DLGAP2: variants seen among roughly 807,000 people sequenced by gnomAD.
DLGAP2 encodes disks large-associated protein 2.
DLGAP2 carries 26 observed loss-of-function variants against 100.3 expected under a neutral mutation model. The observed-to-expected ratio is 0.26, with a 90% CI of 0.19 to 0.36. The LOEUF is 0.36. DLGAP2 is among the 10% of genes least tolerant of loss of function. The pLI is 1.00. For synonymous variants in DLGAP2, 886 were observed against 630.1 expected, an observed-to-expected ratio of 1.41 and a Z score of -6.08; for missense variants, 1,858 against 1,453.2, an observed-to-expected ratio of 1.28 and a Z score of -4.53.
chr8:1,626,718 T>C, intron 6 of DLGAP2, 22 bp from the exon 7 acceptor site: 4 of 1,580,926 alleles, frequency 2.5e-6, no homozygotes, highest in Non-Finnish European at 3.4e-6. Context: ...GAATGCCTTT[T>C]CTCCTTTCTT....
intron 3 of DLGAP2, among the ~76,000 whole-genome samples, chr8:1,495,270 AGTGCCAGC>A (rs1215996736): frequency 3.9e-5 from 6 of 151,926 alleles, no homozygotes; most frequent in African/African-American, 1.5e-4. Context: ...CCAGACAGCC[AGTGCCAGC>A]GTGCCAGGGC....
intron 6 of DLGAP2, among the ~76,000 whole-genome samples, chr8:1,584,156 A>C (rs899428842): frequency 6.6e-6 from 1 of 152,170 alleles, no homozygotes; most frequent in Non-Finnish European, 1.5e-5. Context: ...CTCCTCACAC[A>C]CTGGATGAAT....
intron 11 of DLGAP2, 80 bp from the exon 12 acceptor site, chr8:1,678,134 T>A: frequency 6.6e-7 from 1 of 1,510,746 alleles, no homozygotes; most frequent in Non-Finnish European, 8.9e-7. Flanking sequence ...GGTGCGCTCC[T>A]GACAGGCGAC....
At chr8:748,854 T>C (rs1427234655) in intron 1 of DLGAP2, among the ~76,000 whole-genome samples, 6 of 152,226 alleles carry the variant, frequency 3.9e-5, no homozygotes, top group African/African-American at 1.4e-4. Context: ...CGCGGAGACC[T>C]TTCGTTGGCT....
chr8:782,218 T>C (rs2132625443), intron 1 of DLGAP2, among the ~76,000 whole-genome samples: 1 of 148,926 alleles, frequency 6.7e-6, no homozygotes, highest in East Asian at 1.9e-4. Flanking sequence ...GGTATAAAAG[T>C]TAGAGCTTTA....
At chr8:1,013,648 TGACCAGGACAGACGCCTCCACTGTGTGA>T (rs1563144299) in intron 2 of DLGAP2, among the ~76,000 whole-genome samples, 40 of 130,686 alleles carry the variant, frequency 3.1e-4, no homozygotes, top group African/African-American at 1.1e-3. Context: ...ACTGTGTGTG[TGACCAGGACAGACGCCTCCACTGTGTGA>T]GACCAGGACA....
chr8:1,381,876 C>T (rs1458162583), intron 3 of DLGAP2, among the ~76,000 whole-genome samples: 1 of 150,580 alleles, frequency 6.6e-6, no homozygotes, highest in African/African-American at 2.4e-5. Context: ...AATTCCATGT[C>T]TACACATTTA....
chr8:1,280,200 G>A (rs1799788557), intron 3 of DLGAP2, among the ~76,000 whole-genome samples: 1 of 152,092 alleles, frequency 6.6e-6, no homozygotes, highest in East Asian at 1.9e-4. Context: ...TGCCTCTGGG[G>A]TTTCTTCTTC....
At chr8:1,469,568 C>T (rs1798721777) in intron 3 of DLGAP2, among the ~76,000 whole-genome samples, 1 of 152,188 alleles carries the variant, frequency 6.6e-6, no homozygotes, top group South Asian at 2.1e-4. Flanking sequence ...TACTGAGCTT[C>T]CTCAGAAGAA....
chr8:1,305,531 G>A (rs7826093), intron 3 of DLGAP2, among the ~76,000 whole-genome samples: 18,719 of 152,118 alleles, frequency 0.12, 1,573 homozygotes, highest in African/African-American at 0.24. Flanking sequence ...CCTGAAGGAC[G>A]AATGCAGGGT....
chr8:1,094,318 A>G (rs1191442352), intron 2 of DLGAP2, among the ~76,000 whole-genome samples: 2 of 152,248 alleles, frequency 1.3e-5, no homozygotes, highest in African/African-American at 4.8e-5. Flanking sequence ...GTTATAAAAA[A>G]TGATTTCTTT....
chr8:1,163,323 C>A (rs927646800), intron 2 of DLGAP2, among the ~76,000 whole-genome samples: 25 of 152,216 alleles, frequency 1.6e-4, no homozygotes, highest in African/African-American at 5.8e-4. Flanking sequence ...CACCCCCTGC[C>A]TGCTGCCGGC....
chr8:1,144,050 C>T (rs1796564940), intron 2 of DLGAP2, among the ~76,000 whole-genome samples: 1 of 152,228 alleles, frequency 6.6e-6, no homozygotes, highest in African/African-American at 2.4e-5. Context: ...TTCCCCACAG[C>T]ACCGCTTGTT....
At chr8:1,692,833 C>T (rs1025719528) in intron 13 of DLGAP2, among the ~76,000 whole-genome samples, 1 of 150,900 alleles carries the variant, frequency 6.6e-6, no homozygotes, top group Admixed American at 6.6e-5. Flanking sequence ...AAAGAAAAAC[C>T]ACATATATAT....
At chr8:1,323,516 A>G (rs1399404934) in intron 3 of DLGAP2, among the ~76,000 whole-genome samples, 2 of 152,276 alleles carry the variant, frequency 1.3e-5, no homozygotes, top group African/African-American at 4.8e-5. Flanking sequence ...TTGCAGACGC[A>G]GTACCAGGGC....
At chr8:1,655,653 G>A (rs1798267067) in intron 8 of DLGAP2, among the ~76,000 whole-genome samples, 1 of 152,230 alleles carries the variant, frequency 6.6e-6, no homozygotes, top group South Asian at 2.1e-4. Flanking sequence ...TCAAAGCCAT[G>A]TGAAGTGTAG....
chr8:971,543 T>C (rs899232296), intron 2 of DLGAP2, among the ~76,000 whole-genome samples: 1 of 152,158 alleles, frequency 6.6e-6, no homozygotes, highest in Non-Finnish European at 1.5e-5. Flanking sequence ...ATTGTCAAAG[T>C]GCTGGATTCT....
At position 1,563,235 on chromosome 8, in the gene DLGAP2, C is replaced by T. The variant is rs146160870; in HGVS notation, c.1231-2448C>T. Among the ~76,000 whole-genome samples the T allele has an allele frequency of 4.6e-3, 176 of 38,114 alleles. 8 individuals are homozygous for T. Among genetic ancestry groups the T allele is most frequent in the African/African-American group, 0.02 (162 of 7,912 alleles). 25.0% of individuals were successfully genotyped at this position (38,114 alleles called of 152,430 possible). A position where few individuals can be genotyped will look rare whatever the true frequency, so the allele number is the denominator to read the frequency against. ...TGGGGGACTGGTGTTGGAGTGTCTG[C>T]GCCTCGTTACTGGGGGACTGTGTGG... On this transcript the variant is annotated intron_variant, in intron 5 of 14. Coordinates refer to ENST00000637795, the MANE Select transcript of DLGAP2 (RefSeq NM_001346810.2).
chr8:1,350,913 CCTGA>C (rs1412106166), intron 3 of DLGAP2, among the ~76,000 whole-genome samples: 3 of 131,580 alleles, frequency 2.3e-5, no homozygotes, highest in Non-Finnish European at 1.6e-5. Context: ...CCGTGCGGGT[CCTGA>C]CTGTGTGTGG....
Sources: allele counts gnomAD v4.1 joint callset (sites outside exome capture counted in the v4.1 genomes callset), GRCh38; gene constraint gnomAD v4.1.1; transcripts MANE v1.5; gene names NCBI Gene and HGNC (gene_info 2026-07-23, HGNC 2026-07-21).